The following CDC73 variants were observed in gnomAD, a reference collection of about 807,000 sequenced individuals.
CDC73 encodes parafibromin.
Under a neutral mutation model 83.7 loss-of-function variants are expected in CDC73, and 21 were observed. That is an observed-to-expected ratio of 0.25 (90% CI 0.18 to 0.36). The LOEUF (loss-of-function observed/expected upper bound fraction) is 0.36. CDC73 is among the 10% of genes least tolerant of loss of function. The probability of loss-of-function intolerance (pLI) is 1.00; values close to 1 mark genes in which losing one functional copy is unlikely to be tolerated. For missense variants in CDC73, 342 were observed against 653.3 expected, an observed-to-expected ratio of 0.52 and a Z score of 5.19; for synonymous variants, 224 against 212.9, an observed-to-expected ratio of 1.05 and a Z score of -0.45.
intron 13 of CDC73, among the ~76,000 whole-genome samples, chr1:193,223,375 A>AT (rs1293659636): frequency 6.6e-6 from 1 of 152,188 alleles, no homozygotes; most frequent in Non-Finnish European, 1.5e-5. Flanking sequence ...ACCTGGGAGC[A>AT]TTACCAATCT....
chr1:193,238,123 T>G (rs1677794310), intron 15 of CDC73, among the ~76,000 whole-genome samples: 1 of 152,218 alleles, frequency 6.6e-6, no homozygotes, highest in Admixed American at 6.5e-5. Flanking sequence ...TTTAGTCTTC[T>G]GAAATTTAGA....
intron 10 of CDC73, chr1:193,178,910 C>G (rs972701676): frequency 6.6e-6 from 1 of 152,026 alleles, no homozygotes; most frequent in Non-Finnish European, 1.5e-5. Flanking sequence ...AACATTCTGA[C>G]TAAATTAAGA....
intron 10 of CDC73, chr1:193,181,490 T>C (rs1350854828): frequency 6.2e-7 from 1 of 1,613,192 alleles, no homozygotes; most frequent in African/African-American, 1.3e-5. Flanking sequence ...ATAAGATGAG[T>C]GCGGAACAGA....
intron 13 of CDC73, among the ~76,000 whole-genome samples, chr1:193,221,850 G>A (rs1014098307): frequency 6.6e-6 from 1 of 152,100 alleles, no homozygotes; most frequent in Admixed American, 6.5e-5. Context: ...TACAGTTTGA[G>A]TCAGCTGGAG....
At chr1:193,153,491 CTA>C (rs1676156438) in intron 10 of CDC73, among the ~76,000 whole-genome samples, 1 of 152,098 alleles carries the variant, frequency 6.6e-6, no homozygotes. Context: ...TTTACGGACT[CTA>C]TATAACATGG....
At chr1:193,159,061 G>T (rs1358345854) in intron 10 of CDC73, among the ~76,000 whole-genome samples, 1 of 152,064 alleles carries the variant, frequency 6.6e-6, no homozygotes, top group Non-Finnish European at 1.5e-5. Context: ...CTCAACAAAT[G>T]GTACTTGTAA....
rs751580604 is a variant in CDC73 at position 193,212,045 on chromosome 1, A to AT, written c.1031-12dup. ...ATGGTTTTTATGACACAGAGTTGTG[A>AT]TTTTTTTTCTTTTTCACAGTTTCTC... On this transcript the variant is annotated intron_variant, in intron 11 of 16. Coordinates refer to ENST00000367435, the MANE Select transcript of CDC73 (RefSeq NM_024529.5). 4.3e-5 allele frequency: 67 copies of AT among 1,561,392 alleles called. No homozygotes were observed. Among genetic ancestry groups the AT allele is most frequent in the African/African-American group, 5.4e-5 (4 of 73,754 alleles).
intron 13 of CDC73, among the ~76,000 whole-genome samples, chr1:193,222,679 G>C (rs1005104328): frequency 2.0e-5 from 3 of 149,672 alleles, no homozygotes; most frequent in Non-Finnish European, 4.4e-5. Flanking sequence ...CTTGGAATTT[G>C]TCAGAATTAA....
At chr1:193,243,156 G>A (rs1677891191) in intron 15 of CDC73, among the ~76,000 whole-genome samples, 1 of 151,908 alleles carries the variant, frequency 6.6e-6, no homozygotes, top group African/African-American at 2.4e-5. Flanking sequence ...ATGTTGGTCT[G>A]GTCTCAAACT....
At chr1:193,128,233 A>G (rs931999405) in intron 2 of CDC73, 1 of 152,224 alleles carries the variant, frequency 6.6e-6, no homozygotes, top group African/African-American at 2.4e-5. Flanking sequence ...AGAAACAGTA[A>G]CTTAAAATTA....
At chr1:193,173,721 A>AT (rs928623908) in intron 10 of CDC73, among the ~76,000 whole-genome samples, 3 of 152,170 alleles carry the variant, frequency 2.0e-5, no homozygotes, top group African/African-American at 7.2e-5. Flanking sequence ...TTCTGAATAT[A>AT]TTTTTAAGGC....
At chr1:193,204,523 T>C (rs1457696658) in intron 11 of CDC73, among the ~76,000 whole-genome samples, 1 of 151,812 alleles carries the variant, frequency 6.6e-6, no homozygotes, top group Non-Finnish European at 1.5e-5. Flanking sequence ...TCTCCTGACC[T>C]CATGATCCGC....
intron 10 of CDC73, among the ~76,000 whole-genome samples, chr1:193,156,582 A>AG (rs1256850997): frequency 6.6e-6 from 1 of 152,140 alleles, no homozygotes; most frequent in Non-Finnish European, 1.5e-5. Flanking sequence ...TCTGTCAACC[A>AG]GGTTAGATTC....
chr1:193,144,011 G>A (rs1675951039), intron 7 of CDC73, among the ~76,000 whole-genome samples: 1 of 148,394 alleles, frequency 6.7e-6, no homozygotes, highest in Non-Finnish European at 1.5e-5. Flanking sequence ...CTGGGAGGCT[G>A]AGTGAGGAGA....
chr1:193,227,837 C>T (rs369739413), intron 13 of CDC73, among the ~76,000 whole-genome samples: 1 of 152,132 alleles, frequency 6.6e-6, no homozygotes, highest in South Asian at 2.1e-4. Context: ...ATTTCTTGTG[C>T]AAGAGGAGGC....
intron 10 of CDC73, among the ~76,000 whole-genome samples, chr1:193,155,416 A>G (rs990663230): frequency 5.3e-5 from 8 of 152,164 alleles, no homozygotes; most frequent in African/African-American, 1.9e-4. Context: ...TGTTGATTTG[A>G]TAGATAACTT....
At chr1:193,189,624 C>T (rs569901671) in intron 10 of CDC73, among the ~76,000 whole-genome samples, 1 of 152,318 alleles carries the variant, frequency 6.6e-6, no homozygotes, top group South Asian at 2.1e-4. Flanking sequence ...GTGGCCGTTA[C>T]TATGTGCATC....
intron 6 of CDC73, among the ~76,000 whole-genome samples, chr1:193,140,417 C>G (rs904365416): frequency 6.6e-6 from 1 of 152,108 alleles, no homozygotes; most frequent in Non-Finnish European, 1.5e-5. Flanking sequence ...GGGATATGTT[C>G]CAAGACCTCC....
intron 10 of CDC73, 79 bp from the exon 11 acceptor site, chr1:193,203,716 G>T (rs1677130274): frequency 1.8e-6 from 2 of 1,122,210 alleles, no homozygotes; most frequent in African/African-American, 3.1e-5. Flanking sequence ...AGAGAGATAT[G>T]AGATTTCTTT....
Sources: gnomAD v4.1 joint callset for allele counts (sites outside exome capture counted in the v4.1 genomes callset) on GRCh38, gnomAD v4.1.1 for gene constraint, MANE v1.5 for transcripts, NCBI Gene and HGNC (gene_info 2026-07-23, HGNC 2026-07-21) for gene names.